The following LYST variants were observed in gnomAD, a reference collection of about 807,000 sequenced individuals.
LYST encodes lysosomal-trafficking regulator.
LYST carries 192 observed loss-of-function variants against 413.6 expected under a neutral mutation model. The ratio of observed to expected loss-of-function variants is 0.46; its 90% CI spans 0.41 to 0.52. The LOEUF (loss-of-function observed/expected upper bound fraction) is 0.52, where lower values mean the gene tolerates loss of function less well. Among genes scored for constraint, LYST ranks in the 20% least tolerant of loss-of-function variants. LYST has a pLI of 0.00. For synonymous variants in LYST, 1,525 were observed against 1,567.3 expected, an observed-to-expected ratio of 0.97 and a Z score of 0.64; for missense variants, 3,815 against 4,499.9, an observed-to-expected ratio of 0.85 and a Z score of 4.35.
chr1:235,785,770 G>A (rs573397401), intron 14 of LYST, among the ~76,000 whole-genome samples: 35 of 152,150 alleles, frequency 2.3e-4, no homozygotes, highest in African/African-American at 3.6e-4. Context: ...TTACAGTTTC[G>A]AATTCTCTAT....
chr1:235,882,175 T>A (rs1681408501), intron 1 of LYST, among the ~76,000 whole-genome samples: 1 of 151,108 alleles, frequency 6.6e-6, no homozygotes, highest in Non-Finnish European at 1.5e-5. Context: ...ACAAAGGAGA[T>A]GGCTTTGTCT....
At chr1:235,827,345 G>T in intron 3 of LYST, 1 of 727,994 alleles carries the variant, frequency 1.4e-6, no homozygotes, top group African/African-American at 1.9e-5. Context: ...GTCCAGCCTG[G>T]GTGAAAAAGT....
At chr1:235,722,011 G>A (rs561993843) in intron 39 of LYST, among the ~76,000 whole-genome samples, 3 of 152,148 alleles carry the variant, frequency 2.0e-5, no homozygotes, top group Non-Finnish European at 2.9e-5. Context: ...TATAGAGTCA[G>A]GGAGGGCCTC....
chr1:235,823,249 C>T (rs1473900584), intron 3 of LYST, among the ~76,000 whole-genome samples: 6 of 152,214 alleles, frequency 3.9e-5, no homozygotes, highest in Non-Finnish European at 8.8e-5. Flanking sequence ...TGATCACACT[C>T]TCACTACTCC....
intron 9 of LYST, 152 bp from the exon 10 acceptor site, chr1:235,800,538 T>C: frequency 1.6e-6 from 1 of 612,256 alleles, no homozygotes; most frequent in Admixed American, 3.0e-5. Context: ...TGTAGGATTA[T>C]ACTAATTTTC....
chr1:235,831,996 G>A (rs751864744), intron 2 of LYST, among the ~76,000 whole-genome samples: 4 of 152,072 alleles, frequency 2.6e-5, no homozygotes, highest in Non-Finnish European at 5.9e-5. Context: ...ATCACCTTCT[G>A]GGCCATCAAG....
chr1:235,743,631 T>G (rs1464968202), intron 30 of LYST, among the ~76,000 whole-genome samples: 1 of 152,152 alleles, frequency 6.6e-6, no homozygotes, highest in Non-Finnish European at 1.5e-5. Context: ...TGAGAGTAAG[T>G]AGCCATAAAT....
At chr1:235,867,801 G>T (rs1680715511), upstream of LYST, among the ~76,000 whole-genome samples, 1 of 152,164 alleles carries the variant, frequency 6.6e-6, no homozygotes, top group East Asian at 1.9e-4. Flanking sequence ...GTAATCGTTC[G>T]GTAGTTTTCA....
chr1:235,718,991 G>A (rs895374531), intron 40 of LYST, among the ~76,000 whole-genome samples: 1 of 152,062 alleles, frequency 6.6e-6, no homozygotes, highest in Non-Finnish European at 1.5e-5. Flanking sequence ...GGCAGCGAGA[G>A]GCACTTCAAG....
At chr1:235,790,417 G>C (rs914120236) in intron 12 of LYST, among the ~76,000 whole-genome samples, 1 of 152,172 alleles carries the variant, frequency 6.6e-6, no homozygotes, top group Admixed American at 6.5e-5. Flanking sequence ...TATAGAACCA[G>C]CTGAGCAAAG....
chr1:235,844,093 C>G (rs1456978374), intron 1 of LYST, among the ~76,000 whole-genome samples: 1 of 152,148 alleles, frequency 6.6e-6, no homozygotes, highest in Non-Finnish European at 1.5e-5. Flanking sequence ...AAATCAAAAT[C>G]TGCCATGATT....
chr1:235,706,208 G>A (rs1490439157), intron 44 of LYST, among the ~76,000 whole-genome samples: 5 of 152,182 alleles, frequency 3.3e-5, no homozygotes, highest in South Asian at 2.1e-4. Context: ...CCAAAATTTC[G>A]TACCCTGGCA....
intron 52 of LYST, 86 bp from the exon 53 acceptor site, chr1:235,663,164 A>G: frequency 5.3e-6 from 5 of 940,186 alleles, no homozygotes; most frequent in Non-Finnish European, 8.6e-6. Context: ...GGTTAGTGTA[A>G]AGAAGTTATC....
chr1:235,873,457 C>T lies in LYST; in HGVS notation n.454+9730G>A, dbSNP rs558151506. 2.1e-3 allele frequency among the ~76,000 whole-genome samples: 313 copies of T among 152,120 alleles called. 4 individuals are homozygous for T. The highest frequency in any genetic ancestry group is 3.5e-3 in the Non-Finnish European group (239 of 68,002). On this transcript the variant is annotated intron_variant and non_coding_transcript_variant, in intron 1 of 11. Coordinates refer to the LYST transcript ENST00000465349. ...CACTAGACAAATACACAATATACAA[C>T]GTAGGAAATGGAAGTATTCCATGAT...
chr1:235,666,262 AC>A (rs1658452961), intron 50 of LYST, among the ~76,000 whole-genome samples: 3 of 127,398 alleles, frequency 2.4e-5, no homozygotes, highest in Admixed American at 7.7e-5. Flanking sequence ...ACACACACAC[AC>A]ACACACAATT....
intron 45 of LYST, among the ~76,000 whole-genome samples, chr1:235,700,401 C>T (rs1465637720): frequency 6.6e-6 from 1 of 152,056 alleles, no homozygotes; most frequent in African/African-American, 2.4e-5. Flanking sequence ...AACAAACGAC[C>T]TCATGAAAAA....
At chr1:235,663,221 T>C in intron 52 of LYST, 143 bp from the exon 53 acceptor site, 2 of 683,746 alleles carry the variant, frequency 2.9e-6, no homozygotes, top group Non-Finnish European at 5.3e-6. Flanking sequence ...CTACAACTCA[T>C]TGGTTTTGAC....
At chr1:235,864,530 G>C (rs115795471) in intron 1 of LYST, among the ~76,000 whole-genome samples, 1 of 152,232 alleles carries the variant, frequency 6.6e-6, no homozygotes, top group African/African-American at 2.4e-5. Flanking sequence ...CTCTGGCCTG[G>C]ATTAGGGCAA....
chr1:235,669,456 C>A (rs1177602191), intron 50 of LYST, among the ~76,000 whole-genome samples: 1 of 152,256 alleles, frequency 6.6e-6, no homozygotes, highest in African/African-American at 2.4e-5. Context: ...TGGCTGTCTG[C>A]AACCAATCAA....
Sources: gnomAD v4.1 joint callset for allele counts (sites outside exome capture counted in the v4.1 genomes callset) on GRCh38, gnomAD v4.1.1 for gene constraint, MANE v1.5 for transcripts, NCBI Gene and HGNC (gene_info 2026-07-23, HGNC 2026-07-21) for gene names.